The following CCDC14 variants were observed in gnomAD, a reference collection of about 807,000 sequenced individuals.
The protein encoded by CCDC14 is coiled-coil domain containing 14.
Under a neutral mutation model 81.4 loss-of-function variants are expected in CCDC14, and 71 were observed. That is an observed-to-expected ratio of 0.87 (90% CI 0.72 to 1.06). The LOEUF is 1.06. Among genes scored for constraint, CCDC14 ranks in the 50% least tolerant of loss-of-function variants. CCDC14 has a pLI of 0.00. For synonymous variants in CCDC14, 332 were observed against 364.8 expected (o/e 0.91, Z 1.03); for missense variants, 1,046 against 1,047.3 (o/e 1.00, Z 0.02).
intron 1 of CCDC14, among the ~76,000 whole-genome samples, chr3:123,959,191 A>G (rs1268018069): frequency 6.6e-6 from 1 of 152,146 alleles, no homozygotes; most frequent in African/African-American, 2.4e-5. Context: ...ATAGTTCTAT[A>G]TTTAATTTGG....
intron 9 of CCDC14, among the ~76,000 whole-genome samples, chr3:123,936,486 T>G (rs2036063906): frequency 6.6e-6 from 1 of 152,074 alleles, no homozygotes; most frequent in African/African-American, 2.4e-5. Flanking sequence ...CCATCACAAT[T>G]AAGATATCCA....
intron 5 of CCDC14, among the ~76,000 whole-genome samples, chr3:123,906,732 C>G (rs1247029297): frequency 1.3e-5 from 2 of 152,178 alleles, no homozygotes; most frequent in Non-Finnish European, 2.9e-5. Flanking sequence ...TGCTCCATGA[C>G]ACATTTCTTA....
intron 5 of CCDC14, among the ~76,000 whole-genome samples, chr3:123,903,806 A>G (rs1303687415): frequency 6.6e-6 from 1 of 151,980 alleles, no homozygotes; most frequent in African/African-American, 2.4e-5. Flanking sequence ...GTCCGGAGTA[A>G]AAAGTTCCCA....
downstream of CCDC14, among the ~76,000 whole-genome samples, chr3:123,908,531 T>C (rs2034370498): frequency 6.6e-6 from 1 of 152,232 alleles, no homozygotes; most frequent in African/African-American, 2.4e-5. Context: ...CAACTTAAAA[T>C]ATCATTGCCT....
Position 123,936,501 on chromosome 3 carries a change from C to T in CCDC14, c.1344-2746G>A, listed in dbSNP as rs367610059. ...CCATCACAATTAAGATATCCATCAG[C>T]AGCCATAAAAAAGAATGAGATCATG... is the stretch of plus-strand genomic sequence containing the variant. On this transcript the variant is annotated intron_variant, in intron 9 of 12. Transcript: ENST00000409697. 6.1e-4 allele frequency among the ~76,000 whole-genome samples: 93 copies of T among 152,164 alleles called. 2 individuals carry two copies. The South Asian group carries it at 0.011, about 18-fold the overall frequency.
intron 1 of CCDC14, 113 bp from the exon 2 acceptor site, chr3:123,956,908 G>C: frequency 1.6e-6 from 1 of 644,038 alleles, no homozygotes; most frequent in South Asian, 2.3e-5. Context: ...TTCTCAAACT[G>C]AAACTCTGCA....
At chr3:123,944,677 G>A (rs1338931930) in intron 9 of CCDC14, among the ~76,000 whole-genome samples, 172 bp downstream of exon 9, 1 of 152,128 alleles carries the variant, frequency 6.6e-6, no homozygotes, top group Non-Finnish European at 1.5e-5. Context: ...GTGGGCAGAA[G>A]GAAGAGTTAG....
At chr3:123,946,673 T>C (rs1382586624) in intron 8 of CCDC14, 130 bp downstream of exon 8, 1 of 893,962 alleles carries the variant, frequency 1.1e-6, no homozygotes, top group East Asian at 2.5e-5. Flanking sequence ...TAAGTAGAAC[T>C]CATTTTCTTA....
intron 5 of CCDC14, among the ~76,000 whole-genome samples, chr3:123,899,312 A>T (rs2034134932): frequency 6.6e-6 from 1 of 152,174 alleles, no homozygotes; most frequent in South Asian, 2.1e-4. Context: ...ACTCCACCCT[A>T]GCTCTGCATG....
chr3:123,912,074 A>T (rs1293890493), downstream of CCDC14, among the ~76,000 whole-genome samples: 2 of 152,166 alleles, frequency 1.3e-5, no homozygotes, highest in African/African-American at 4.8e-5. Context: ...TGGTGTTCAC[A>T]ACTACTAAAT....
chr3:123,955,141 A>G (rs1221977577), intron 5 of CCDC14: 1 of 152,214 alleles, frequency 6.6e-6, no homozygotes, highest in Non-Finnish European at 1.5e-5. Flanking sequence ...GCTGAATCTA[A>G]GCACGTACTA....
At chr3:123,927,787 T>C (rs191309033) in intron 12 of CCDC14, among the ~76,000 whole-genome samples, 9 of 151,640 alleles carry the variant, frequency 5.9e-5, no homozygotes, top group Admixed American at 1.3e-4. Context: ...CTATGTTAGA[T>C]AAATGTTAAG....
downstream of CCDC14, among the ~76,000 whole-genome samples, chr3:123,908,558 T>A (rs764156759): frequency 2.4e-4 from 37 of 152,196 alleles, no homozygotes; most frequent in Non-Finnish European, 3.4e-4. Context: ...GTGTTTTATA[T>A]TAATCAATAA....
chr3:123,900,034 T>C (rs1464031862), intron 5 of CCDC14, among the ~76,000 whole-genome samples: 1 of 152,220 alleles, frequency 6.6e-6, no homozygotes, highest in Non-Finnish European at 1.5e-5. Flanking sequence ...TATCCTCAAA[T>C]AGACTGCAAG....
intron 12 of CCDC14, among the ~76,000 whole-genome samples, chr3:123,926,424 G>C (rs1479936933): frequency 2.0e-5 from 3 of 151,432 alleles, no homozygotes; most frequent in African/African-American, 7.3e-5. Context: ...AACAAATGCA[G>C]GGTTCTTTCT....
intron 12 of CCDC14, among the ~76,000 whole-genome samples, chr3:123,926,586 ATTAT>A (rs1379171745): frequency 2.0e-5 from 3 of 148,230 alleles, no homozygotes; most frequent in African/African-American, 4.9e-5. Context: ...TATTTAAAAT[ATTAT>A]TTAAATTAAT....
downstream of CCDC14, among the ~76,000 whole-genome samples, chr3:123,895,282 T>G (rs1383540242): frequency 6.6e-6 from 1 of 152,146 alleles, no homozygotes; most frequent in East Asian, 1.9e-4. Flanking sequence ...CTTGGCCCCC[T>G]TCACTGCTTG....
intron 12 of CCDC14, among the ~76,000 whole-genome samples, chr3:123,921,706 C>T (rs1216684253): frequency 6.6e-6 from 1 of 152,074 alleles, no homozygotes; most frequent in East Asian, 1.9e-4. Flanking sequence ...TCTTGGGCCA[C>T]ACATAAAATA....
chr3:123,936,249 A>G (rs1470113371), intron 9 of CCDC14, among the ~76,000 whole-genome samples: 1 of 152,194 alleles, frequency 6.6e-6, no homozygotes, highest in Non-Finnish European at 1.5e-5. Flanking sequence ...AACAGAAAAA[A>G]GGATATTTTA....
Sources: allele counts gnomAD v4.1 joint callset (sites outside exome capture counted in the v4.1 genomes callset), GRCh38; gene constraint gnomAD v4.1.1; transcripts MANE v1.5; gene names NCBI Gene and HGNC (gene_info 2026-07-23, HGNC 2026-07-21).